ANAPC16: variants seen among roughly 807,000 people sequenced by gnomAD.
The protein encoded by ANAPC16 is anaphase promoting complex subunit 16, also known as anaphase-promoting complex subunit 16.
Under a neutral mutation model 13.1 loss-of-function variants are expected in ANAPC16, and 6 were observed. The ratio of observed to expected loss-of-function variants is 0.46; its 90% CI spans 0.25 to 0.90. ANAPC16 has a LOEUF of 0.90. Ranked by LOEUF, ANAPC16 falls within the 40% of genes least tolerant of loss-of-function variation. The probability of loss-of-function intolerance (pLI) is 0.18; values close to 1 mark genes in which losing one functional copy is unlikely to be tolerated. For synonymous variants in ANAPC16, 55 were observed against 51.3 expected, an observed-to-expected ratio of 1.07 and a Z score of -0.31; for missense variants, 113 against 131.1, an observed-to-expected ratio of 0.86 and a Z score of 0.67.
intron 1 of ANAPC16, among the ~76,000 whole-genome samples, chr10:72,221,841 T>C (rs1468255587): frequency 6.6e-6 from 1 of 150,836 alleles, no homozygotes; most frequent in Non-Finnish European, 1.5e-5. Context: ...GCGATTCTCC[T>C]GCCTCAGCCT....
Position 72,224,117 on chromosome 10 carries a change from A to G in ANAPC16, c.142+61A>G, listed in dbSNP as rs1860040326. ...GATCTGCAATGCATATTAATTGTAA[A>G]GAAGCTATTAAGTGGATTAAAGATG... On this transcript the variant is annotated intron_variant, in intron 2 of 3. Coordinates refer to ENST00000299381, the MANE Select transcript of ANAPC16 (RefSeq NM_173473.4). 4.9e-6 allele frequency: 7 copies of G among 1,430,418 alleles called. No homozygotes were observed. The African/African-American group carries it at 1.0e-4, about 20-fold the overall frequency. 88.6% of individuals were successfully genotyped at this position (1,430,418 alleles called of 1,614,324 possible). A position where few individuals can be genotyped will look rare whatever the true frequency, so the allele number is the denominator to read the frequency against.
At chr10:72,221,302 A>G (rs761992013) in intron 1 of ANAPC16, among the ~76,000 whole-genome samples, 5 of 152,174 alleles carry the variant, frequency 3.3e-5, no homozygotes, top group Non-Finnish European at 5.9e-5. Context: ...ACAATTCAAT[A>G]TAAAGTTATT....
In ANAPC16 at chr10:72,233,188, A is replaced by G; in HGVS notation, c.*72A>G. The G allele has an allele frequency of 8.8e-7, 1 of 1,133,678 alleles. No homozygotes were observed. The highest frequency in any genetic ancestry group is 2.4e-5 in the East Asian group (1 of 41,632). The allele number at this position is 1,133,678 out of a possible 1,614,324, so 70.2% of individuals were successfully genotyped here. A position where few individuals can be genotyped will look rare whatever the true frequency, so the allele number is the denominator to read the frequency against. ...TGGGGGACTTTCTCACAGCTTACATAGCCATCCAGAGATCCACAGCTACGT... is the reference window on the plus strand; with the variant it reads ...TGGGGGACTTTCTCACAGCTTACATGGCCATCCAGAGATCCACAGCTACGT... On this transcript the variant is annotated 3_prime_UTR_variant, in exon 4 of 4. Coordinates refer to ENST00000299381, the MANE Select transcript of ANAPC16 (RefSeq NM_173473.4).
chr10:72,223,767 A>C, intron 1 of ANAPC16, 121 bp from the exon 2 acceptor site: 4 of 724,206 alleles, frequency 5.5e-6, no homozygotes. Flanking sequence ...AGTAGAGAGC[A>C]TAGAAAAAAG....
chr10:72,226,297 G>T lies in ANAPC16; in HGVS notation c.142+2241G>T, dbSNP rs564477035. Reference sequence around the variant, plus strand: ...GCCTCCCAAAGTGCTATGATTACAGGCATGAACCACCGCACCTGGCCTTAA... The same window carrying T: ...GCCTCCCAAAGTGCTATGATTACAGTCATGAACCACCGCACCTGGCCTTAA... On this transcript the variant is annotated intron_variant, in intron 2 of 3. Transcript: ENST00000299381. Among the ~76,000 whole-genome samples the T allele has an allele frequency of 1.2e-3, 182 of 152,034 alleles. 1 individual carries two copies. The highest frequency in any genetic ancestry group is 4.2e-3 in the African/African-American group (174 of 41,504).
intron 3 of ANAPC16, among the ~76,000 whole-genome samples, chr10:72,231,876 G>GAAAAATAAAAACTT (rs1438627612): frequency 2.7e-5 from 4 of 150,822 alleles, no homozygotes; most frequent in East Asian, 3.9e-4. Flanking sequence ...AACATTAGAA[G>GAAAAATAAAAACTT]AAACTTCCAA....
At chr10:72,229,309 AG>A (rs780546379) in intron 2 of ANAPC16, among the ~76,000 whole-genome samples, 1 of 144,748 alleles carries the variant, frequency 6.9e-6, no homozygotes, top group Non-Finnish European at 1.5e-5. Flanking sequence ...CTTTGGATAC[AG>A]TATCTATAGT....
At chr10:72,220,657 A>G (rs1035822483) in intron 1 of ANAPC16, 4 of 151,404 alleles carry the variant, frequency 2.6e-5, no homozygotes, top group African/African-American at 9.7e-5. Flanking sequence ...AGCCTGCCTC[A>G]AAAAACAAAT....
chr10:72,229,850 T>G (rs934338273), intron 2 of ANAPC16, among the ~76,000 whole-genome samples: 2 of 152,228 alleles, frequency 1.3e-5, no homozygotes, highest in African/African-American at 2.4e-5. Flanking sequence ...CAGTTTGCGT[T>G]CACAGAATGA....
Position 72,235,653 on chromosome 10 carries a change from T to C in ANAPC16, c.*2537T>C, listed in dbSNP as rs1860447972. 6.6e-6 allele frequency: 1 copy of C among 152,192 alleles called. No individual in the cohort carries two copies. Among genetic ancestry groups the C allele is most frequent in the Non-Finnish European group, 1.5e-5 (1 of 68,028 alleles). 9.4% of individuals were successfully genotyped at this position (152,192 alleles called of 1,614,324 possible). On this transcript the variant is annotated 3_prime_UTR_variant, in exon 4 of 4. Coordinates refer to ENST00000299381, the MANE Select transcript of ANAPC16 (RefSeq NM_173473.4). ...AAAAATACCTAGACTGCAATAAACC[T>C]TTAAATTGGATTTTCAGTGAGAATT...
chr10:72,229,210 T>C (rs895744752), intron 2 of ANAPC16, among the ~76,000 whole-genome samples: 27 of 151,500 alleles, frequency 1.8e-4, no homozygotes, highest in African/African-American at 5.6e-4. Flanking sequence ...AATTATACTT[T>C]CATTTTTTTC....
At chr10:72,218,158 AAAAAAAAATAT>A (rs1242342727) in intron 1 of ANAPC16, among the ~76,000 whole-genome samples, 2 of 46,786 alleles carry the variant, frequency 4.3e-5, no homozygotes, top group South Asian at 8.4e-4. Flanking sequence ...AAAAAAAAAA[AAAAAAAAATAT>A]ATATATATAT....
chr10:72,233,603 T>G lies in ANAPC16; in HGVS notation c.*487T>G, dbSNP rs893101880. On this transcript the variant is annotated 3_prime_UTR_variant, in exon 4 of 4. Transcript: ENST00000299381. ...TATCCAAATGAGGAATTTTTAAATA[T>G]TCTTTTTTTTTTCCTATTTTTAGAC... The G allele has an allele frequency of 2.0e-5, 3 of 153,056 alleles. No individual in the cohort carries two copies. Among genetic ancestry groups the G allele is most frequent in the African/African-American group, 7.2e-5 (3 of 41,456 alleles). The allele number at this position is 153,056 out of a possible 1,614,324, so 9.5% of individuals were successfully genotyped here. A position where few individuals can be genotyped will look rare whatever the true frequency, so the allele number is the denominator to read the frequency against.
chr10:72,223,894 A>G lies in ANAPC16; in HGVS notation c.-21A>G. 1 of 1,562,676 alleles carries G rather than the reference A, an allele frequency of 6.4e-7. No individual in the cohort carries two copies. The highest frequency in any genetic ancestry group is 8.7e-7 in the Non-Finnish European group (1 of 1,145,478). On this transcript the variant is annotated 5_prime_UTR_variant, in exon 2 of 4. Coordinates refer to ENST00000299381, the MANE Select transcript of ANAPC16 (RefSeq NM_173473.4). ...TGTTTTTCTTTCTCTGTAGTGAAGTAAGAACTCTGCTAGAGAGGAAATGGC... is the reference window on the plus strand; with the variant it reads ...TGTTTTTCTTTCTCTGTAGTGAAGTGAGAACTCTGCTAGAGAGGAAATGGC...
chr10:72,220,595 G>C (rs1475855947), intron 1 of ANAPC16, among the ~76,000 whole-genome samples: 1 of 151,660 alleles, frequency 6.6e-6, no homozygotes, highest in Non-Finnish European at 1.5e-5. Context: ...AGGAGATGAG[G>C]CTGCAATAGC....
chr10:72,230,632 C>T (rs1352276373), intron 3 of ANAPC16, among the ~76,000 whole-genome samples, 192 bp downstream of exon 3: 2 of 152,232 alleles, frequency 1.3e-5, no homozygotes, highest in African/African-American at 2.4e-5. Context: ...CAGTGGCTCA[C>T]GTTTGTAATC....
At chr10:72,219,182 G>C (rs1859799391) in intron 1 of ANAPC16, among the ~76,000 whole-genome samples, 1 of 152,214 alleles carries the variant, frequency 6.6e-6, no homozygotes, top group Non-Finnish European at 1.5e-5. Flanking sequence ...TAAAGACTGA[G>C]CTGCTCTCCA....
chr10:72,222,245 C>T (rs12246159), intron 1 of ANAPC16, among the ~76,000 whole-genome samples: 12,427 of 150,344 alleles, frequency 0.083, 1,369 homozygotes, highest in African/African-American at 0.24. Context: ...TGGCGAAACC[C>T]TGTCTCAACT....
At chr10:72,231,372 T>TA (rs917910938) in intron 3 of ANAPC16, among the ~76,000 whole-genome samples, 1 of 151,784 alleles carries the variant, frequency 6.6e-6, no homozygotes, top group Non-Finnish European at 1.5e-5. Context: ...ACCCCATATC[T>TA]AAAAAAAGAA....
Sources: allele counts gnomAD v4.1 joint callset (sites outside exome capture counted in the v4.1 genomes callset), GRCh38; gene constraint gnomAD v4.1.1; transcripts MANE v1.5; gene names NCBI Gene and HGNC (gene_info 2026-07-23, HGNC 2026-07-21).